Variants in TPD52L2 observed in about 807,000 individuals in gnomAD.
TPD52L2 encodes TPD52 like 2, also known as tumor protein D54.
In TPD52L2, 19 loss-of-function variants were observed where a neutral mutation model predicts 24.7. The ratio of observed to expected loss-of-function variants is 0.77; its 90% confidence interval spans 0.54 to 1.13. TPD52L2 has a LOEUF of 1.13. Ranked by LOEUF, TPD52L2 falls within the 50% of genes most tolerant of loss-of-function variation. The probability of loss-of-function intolerance (pLI) is 0.00; values close to 1 mark genes in which losing one functional copy is unlikely to be tolerated. For missense variants in TPD52L2, 236 were observed against 250.4 expected, an observed-to-expected ratio of 0.94 and a Z score of 0.39; for synonymous variants, 104 against 100.2, an observed-to-expected ratio of 1.04 and a Z score of -0.23.
At chr20:63,881,359 C>T (rs1179417617) in intron 4 of TPD52L2, among the ~76,000 whole-genome samples, 1 of 106,838 alleles carries the variant, frequency 9.4e-6, no homozygotes, top group African/African-American at 3.6e-5. Flanking sequence ...GACTTTGTCT[C>T]AAAAAAAAAA....
chr20:63,876,853 A>G (rs990813458), intron 4 of TPD52L2: 3 of 454,734 alleles, frequency 6.6e-6, no homozygotes, highest in African/African-American at 2.0e-5. Context: ...GCATGGCTAC[A>G]GCAGCCAGCT....
chr20:63,878,707 C>T (rs1277594019), intron 4 of TPD52L2, among the ~76,000 whole-genome samples: 1 of 152,164 alleles, frequency 6.6e-6, no homozygotes, highest in African/African-American at 2.4e-5. Context: ...GCAAGGATGT[C>T]CCCCAGATGC....
intron 4 of TPD52L2, among the ~76,000 whole-genome samples, chr20:63,879,729 C>G (rs1049417598): frequency 7.4e-6 from 1 of 134,704 alleles, no homozygotes; most frequent in Non-Finnish European, 1.6e-5. Context: ...GCTTCCCCAT[C>G]CCCACTCTTT....
At chr20:63,867,124 T>G (rs757624257) in intron 1 of TPD52L2, among the ~76,000 whole-genome samples, 7 of 152,164 alleles carry the variant, frequency 4.6e-5, no homozygotes, top group South Asian at 2.1e-4. Flanking sequence ...CGGCTAATTT[T>G]GTATTTTTAG....
chr20:63,874,148 T>G (rs961218581), intron 3 of TPD52L2, among the ~76,000 whole-genome samples: 3 of 151,096 alleles, frequency 2.0e-5, no homozygotes, highest in African/African-American at 7.3e-5. Flanking sequence ...GCCCCCCGGG[T>G]TCAAGCGATT....
intron 1 of TPD52L2, among the ~76,000 whole-genome samples, chr20:63,866,998 C>T (rs2052272991): frequency 6.6e-6 from 1 of 150,824 alleles, no homozygotes; most frequent in Non-Finnish European, 1.5e-5. Flanking sequence ...TTGTTGCCCA[C>T]GCTGCAGTAC....
intron 4 of TPD52L2, among the ~76,000 whole-genome samples, chr20:63,881,036 A>G (rs2052876606): frequency 6.6e-6 from 1 of 151,180 alleles, no homozygotes; most frequent in Non-Finnish European, 1.5e-5. Context: ...GGGAAAGTGC[A>G]TCCTCTGGGC....
intron 2 of TPD52L2, among the ~76,000 whole-genome samples, chr20:63,869,706 G>A (rs1006846480): frequency 7.9e-5 from 12 of 152,204 alleles, no homozygotes; most frequent in Non-Finnish European, 1.5e-5. Flanking sequence ...CCTGAGGAGT[G>A]TTCACACATG....
chr20:63,873,950 T>A, intron 3 of TPD52L2, 134 bp downstream of exon 3: 1 of 1,050,002 alleles, frequency 9.5e-7, no homozygotes, highest in South Asian at 2.1e-5. Flanking sequence ...TTTGGAAGGA[T>A]CCAGAGAGAG....
chr20:63,886,065 C>T (rs1255911517), intron 5 of TPD52L2: 1 of 1,613,386 alleles, frequency 6.2e-7, no homozygotes, highest in East Asian at 2.2e-5. Context: ...CTGGACACAC[C>T]TGTGGAAGAC....
chr20:63,874,668 TC>T (rs2052599164), intron 3 of TPD52L2, among the ~76,000 whole-genome samples: 1 of 152,174 alleles, frequency 6.6e-6, no homozygotes, highest in Non-Finnish European at 1.5e-5. Flanking sequence ...AGCCACCACA[TC>T]CGGCTTATAT....
intron 5 of TPD52L2, among the ~76,000 whole-genome samples, chr20:63,883,832 G>GCCTGCCTGCCTCCCTGCCTGCCTC (rs544242072): frequency 3.4e-5 from 5 of 147,236 alleles, no homozygotes; most frequent in Admixed American, 7.0e-5. Flanking sequence ...CTGCCTGCCT[G>GCCTGCCTGCCTCCCTGCCTGCCTC]CCTGCCTGCC....
At chr20:63,886,614 G>A (rs1260495810) in intron 5 of TPD52L2, among the ~76,000 whole-genome samples, 1 of 151,794 alleles carries the variant, frequency 6.6e-6, no homozygotes, top group Admixed American at 6.6e-5. Context: ...CTCCCAAAGT[G>A]CTGGGATTAC....
intron 5 of TPD52L2, among the ~76,000 whole-genome samples, chr20:63,884,663 C>T (rs988869572): frequency 1.3e-5 from 2 of 152,154 alleles, no homozygotes; most frequent in East Asian, 1.9e-4. Flanking sequence ...TGGCAGCTGA[C>T]CCGTGTCGTG....
intron 5 of TPD52L2, chr20:63,886,011 T>C: frequency 6.2e-7 from 1 of 1,614,170 alleles, no homozygotes; most frequent in Non-Finnish European, 8.5e-7. Context: ...GCTGCCACCT[T>C]CCAGGGCTCA....
intron 6 of TPD52L2, 62 bp from the exon 7 acceptor site, chr20:63,889,788 A>T: frequency 6.7e-7 from 1 of 1,500,768 alleles, no homozygotes. Flanking sequence ...TGGGCCTGGG[A>T]TCTGCCTTGT....
At chr20:63,871,100 T>G (rs1306815287) in intron 2 of TPD52L2, among the ~76,000 whole-genome samples, 2 of 152,124 alleles carry the variant, frequency 1.3e-5, no homozygotes, top group Non-Finnish European at 2.9e-5. Context: ...TAGAGTGCAG[T>G]GGCGTGATCT....
intron 5 of TPD52L2, 52 bp downstream of exon 5, chr20:63,882,872 G>C: frequency 1.4e-6 from 2 of 1,386,038 alleles, no homozygotes; most frequent in Non-Finnish European, 2.0e-6. Context: ...GGAGTGAGGT[G>C]AGGTGTTGGA....
chr20:63,878,816 C>T (rs2052787395), intron 4 of TPD52L2, among the ~76,000 whole-genome samples: 1 of 152,258 alleles, frequency 6.6e-6, no homozygotes, highest in Non-Finnish European at 1.5e-5. Flanking sequence ...CAAATGGGTG[C>T]TGGCTGGGGT....
Sources: allele counts gnomAD v4.1 joint callset (sites outside exome capture counted in the v4.1 genomes callset), GRCh38; gene constraint gnomAD v4.1.1; transcripts MANE v1.5; gene names NCBI Gene and HGNC (gene_info 2026-07-23, HGNC 2026-07-21).